The following CFAP57 variants were observed in gnomAD, a reference collection of about 807,000 sequenced individuals.
CFAP57 encodes the protein cilia and flagella associated protein 57.
CFAP57 carries 116 observed loss-of-function variants against 146.8 expected under a neutral mutation model. The observed-to-expected ratio is 0.79, with a 90% confidence interval of 0.68 to 0.92. The LOEUF is 0.92. Ranked by LOEUF, CFAP57 falls within the 40% of genes least tolerant of loss-of-function variation. CFAP57 has a pLI of 0.00. For missense variants in CFAP57, 1,377 were observed against 1,527.2 expected, an observed-to-expected ratio of 0.90 and a Z score of 1.64; for synonymous variants, 518 against 552.8, an observed-to-expected ratio of 0.94 and a Z score of 0.88.
At chr1:43,208,125 G>A (rs1176636394) in intron 10 of CFAP57, among the ~76,000 whole-genome samples, 1 of 152,316 alleles carries the variant, frequency 6.6e-6, no homozygotes, top group Middle Eastern at 3.4e-3. Context: ...AGTTAGAATG[G>A]CAATCATTAA....
At chr1:43,227,230 C>T (rs542635417) in intron 18 of CFAP57, 104 bp downstream of exon 18, 70 of 1,310,278 alleles carry the variant, frequency 5.3e-5, no homozygotes, top group Non-Finnish European at 6.4e-5. Flanking sequence ...TCTCACAGTC[C>T]TCTCTGCTCC....
intron 4 of CFAP57, chr1:43,184,852 G>A: frequency 2.8e-6 from 1 of 362,602 alleles, no homozygotes. Flanking sequence ...TGGGGTCCAG[G>A]CCTCCCAGAA....
intron 18 of CFAP57, among the ~76,000 whole-genome samples, chr1:43,227,716 AC>A (rs1246746146): frequency 4.6e-5 from 7 of 151,974 alleles, no homozygotes; most frequent in Admixed American, 1.3e-4. Context: ...CATGCCCCCC[AC>A]CACACGCCAC....
chr1:43,177,989 G>C (rs1390853537), intron 2 of CFAP57, among the ~76,000 whole-genome samples: 3 of 152,204 alleles, frequency 2.0e-5, no homozygotes, highest in African/African-American at 4.8e-5. Flanking sequence ...AGCAAAAGAG[G>C]CTTTGGAGGA....
Position 43,172,470 on chromosome 1 carries a change from G to C in CFAP57, c.-20+17G>C. The C allele has an allele frequency of 6.5e-7, 1 of 1,542,334 alleles. No individual in the cohort carries two copies. The highest frequency in any genetic ancestry group is 2.5e-5 in the East Asian group (1 of 40,728). On this transcript the variant is annotated intron_variant, in intron 1 of 22. Coordinates refer to ENST00000372492, the MANE Select transcript of CFAP57 (RefSeq NM_001378189.1). The stretch of plus-strand genomic sequence containing the variant: ...AAACGAAAGGTGGGAGGGGGTACCT[G>C]GGGGTCGCCAGAAGGAGCTGGTAGC...
At chr1:43,249,235 C>T (rs187557803) in intron 22 of CFAP57, among the ~76,000 whole-genome samples, 74 of 151,786 alleles carry the variant, frequency 4.9e-4, no homozygotes, top group Non-Finnish European at 1.0e-3. Flanking sequence ...ACCCAGATAC[C>T]CACATAGCCA....
intron 6 of CFAP57, among the ~76,000 whole-genome samples, chr1:43,191,702 T>C (rs1643544813): frequency 6.6e-6 from 1 of 151,906 alleles, no homozygotes; most frequent in Non-Finnish European, 1.5e-5. Context: ...TTCGGTTTCA[T>C]TGATTTTTCT....
intron 12 of CFAP57, among the ~76,000 whole-genome samples, chr1:43,216,276 C>T (rs1644829645): frequency 3.3e-5 from 5 of 152,112 alleles, no homozygotes; most frequent in Admixed American, 3.3e-4. Flanking sequence ...ACAAGTAAAG[C>T]CATCAGAGCA....
chr1:43,199,440 G>A lies in CFAP57; in HGVS notation c.1479G>A (p.Val493=), dbSNP rs1193429308. 1.9e-6 allele frequency: 3 copies of A among 1,613,994 alleles called. No individual in the cohort carries two copies. Among genetic ancestry groups the A allele is most frequent in the Non-Finnish European group, 2.5e-6 (3 of 1,180,042 alleles). Residue 493 remains valine (V), a synonymous_variant, in exon 9 of 23, where the codon GTG becomes GTA. Coordinates refer to ENST00000372492, the MANE Select transcript of CFAP57 (RefSeq NM_001378189.1). ...TGTTTGCTGCAGTCAATGGAAATGT[G>A]ATTCACGTTTACACCACCACGAGCC... is the stretch of plus-strand genomic sequence containing the variant. ...GHLFAAVNGN[V]IHVYTTTSLE...
Position 43,179,147 on chromosome 1 carries a change from AG to A in CFAP57, c.158-2382del, listed in dbSNP as rs569021286. Among the ~76,000 whole-genome samples, 359 of 148,000 alleles carry A rather than the reference AG, an allele frequency of 2.4e-3. 1 individual carries two copies. The highest frequency in any genetic ancestry group is 8.5e-3 in the African/African-American group (346 of 40,834). On this transcript the variant is annotated intron_variant, in intron 2 of 22. Transcript: ENST00000372492. ...CCGGGGCCTGTTGTGGGGTGCGGGG[AG>A]GGGGAGGGATAGCATTAGGAGATAT...
intron 2 of CFAP57, among the ~76,000 whole-genome samples, chr1:43,178,685 T>A (rs937512454): frequency 2.0e-5 from 3 of 152,216 alleles, no homozygotes; most frequent in Admixed American, 6.5e-5. Flanking sequence ...ACATTGTTGG[T>A]GGGACTGTAA....
Position 43,206,865 on chromosome 1 carries a change from C to A in CFAP57, c.1688C>A (p.Ser563Tyr), listed in dbSNP as rs1232987974. 3 of 1,614,128 alleles carry A rather than the reference C, an allele frequency of 1.9e-6. No homozygotes were observed. The highest frequency in any genetic ancestry group is 2.5e-6 in the Non-Finnish European group (3 of 1,180,012). ...TGCAGCTACAACTGTGTTACTGTCT[C>A]CCCCGATGCCAAAATTATCTTTGCT... is the stretch of plus-strand genomic sequence containing the variant. ...KSCSYNCVTV[S>Y]PDAKIIFAVG... is the part of the protein sequence containing the mutation. The change falls in exon 10 of 23, where the codon TCC (serine) becomes TAC (tyrosine). Residue 563 changes from serine (S) to tyrosine (Y), a missense_variant. Transcript: ENST00000372492.
intron 9 of CFAP57, among the ~76,000 whole-genome samples, chr1:43,202,709 G>A (rs61775867): frequency 0.19 from 28,550 of 151,444 alleles, 3,072 homozygotes; most frequent in Middle Eastern, 0.29. Flanking sequence ...CTTGAACCTC[G>A]GAGGCGGAGG....
chr1:43,195,095 A>G (rs1469370108), intron 6 of CFAP57: 1 of 152,188 alleles, frequency 6.6e-6, no homozygotes, highest in African/African-American at 2.4e-5. Flanking sequence ...TATGGTGATG[A>G]TGGGAGTGTA....
At chr1:43,244,879 G>A (rs1646055347) in intron 22 of CFAP57, among the ~76,000 whole-genome samples, 1 of 151,976 alleles carries the variant, frequency 6.6e-6, no homozygotes, top group African/African-American at 2.4e-5. Flanking sequence ...CTCCAGCCTG[G>A]ACAACAGAGT....
At position 43,222,035 on chromosome 1, in the gene CFAP57, C is replaced by T. The variant is rs1448529982; in HGVS notation, c.2342-70C>T. 4 of 1,383,994 alleles carry T rather than the reference C, an allele frequency of 2.9e-6. No individual in the cohort carries two copies. In the South Asian group the frequency reaches 4.9e-5, roughly 17 times the overall value. 85.7% of individuals were successfully genotyped at this position (1,383,994 alleles called of 1,614,324 possible). On this transcript the variant is annotated intron_variant, in intron 14 of 22. Coordinates refer to ENST00000372492, the MANE Select transcript of CFAP57 (RefSeq NM_001378189.1). Reference sequence around the variant, plus strand: ...GTGCTGGAAGGGATGGGAGAGCGCCCAAGGCTCCTGGGTGTCCCTGAAGCA... The same window carrying T: ...GTGCTGGAAGGGATGGGAGAGCGCCTAAGGCTCCTGGGTGTCCCTGAAGCA...
At chr1:43,179,574 T>TGGCAC (rs1378221294) in intron 2 of CFAP57, among the ~76,000 whole-genome samples, 1 of 152,214 alleles carries the variant, frequency 6.6e-6, no homozygotes, top group African/African-American at 2.4e-5. Flanking sequence ...GGTAGGAACC[T>TGGCAC]GGCACAAAAG....
At chr1:43,172,584 A>AACGGGGAGGGG in intron 1 of CFAP57, 131 bp downstream of exon 1, 1 of 458,558 alleles carries the variant, frequency 2.2e-6, no homozygotes, top group Non-Finnish European at 3.6e-6. Flanking sequence ...AAGGGGAGGG[A>AACGGGGAGGGG]CAAGGGGAGG....
chr1:43,243,890 C>A (rs2124666520), intron 22 of CFAP57, among the ~76,000 whole-genome samples: 1 of 152,298 alleles, frequency 6.6e-6, no homozygotes, highest in South Asian at 2.1e-4. Flanking sequence ...TCAGTTACTG[C>A]AATTATATCC....
Sources: allele counts gnomAD v4.1 joint callset (sites outside exome capture counted in the v4.1 genomes callset), GRCh38; gene constraint gnomAD v4.1.1; transcripts MANE v1.5; gene names NCBI Gene and HGNC (gene_info 2026-07-23, HGNC 2026-07-21).